PDE1C: variants seen among roughly 807,000 people sequenced by gnomAD.
The protein encoded by PDE1C is dual specificity calcium/calmodulin-dependent 3',5'-cyclic nucleotide phosphodiesterase 1C.
In PDE1C, 62 loss-of-function variants were observed where a neutral mutation model predicts 93.1. The ratio of observed to expected loss-of-function variants is 0.67; its 90% CI spans 0.54 to 0.82. The LOEUF is 0.82. Ranked by LOEUF, PDE1C falls within the 40% of genes least tolerant of loss-of-function variation. The probability of loss-of-function intolerance (pLI) is 0.00; values close to 1 mark genes in which losing one functional copy is unlikely to be tolerated. For missense variants in PDE1C, 742 were observed against 884.6 expected, an observed-to-expected ratio of 0.84 and a Z score of 2.04; for synonymous variants, 325 against 310.1, an observed-to-expected ratio of 1.05 and a Z score of -0.50.
intron 15 of PDE1C, among the ~76,000 whole-genome samples, chr7:31,809,613 T>TA (rs1787309597): frequency 6.6e-6 from 1 of 152,108 alleles, no homozygotes; most frequent in Non-Finnish European, 1.5e-5. Context: ...GTAAAAGTTG[T>TA]AAAATGCTAT....
the PDE1C span, among the ~76,000 whole-genome samples, chr7:31,635,898 A>G: frequency 2.0e-5 from 3 of 152,114 alleles, no homozygotes; most frequent in Non-Finnish European, 4.4e-5. Context: ...TATGTAATAA[A>G]CCTGCACATC....
intron 2 of PDE1C, among the ~76,000 whole-genome samples, chr7:32,203,425 C>T (rs1261942718): frequency 1.3e-5 from 2 of 152,048 alleles, no homozygotes; most frequent in Non-Finnish European, 2.9e-5. Flanking sequence ...TTCAACCAAC[C>T]CCAGCGATCA....
chr7:32,047,877 G>C (rs1160003184), intron 2 of PDE1C, among the ~76,000 whole-genome samples: 1 of 152,224 alleles, frequency 6.6e-6, no homozygotes, highest in Admixed American at 6.5e-5. Context: ...ATATCACTTA[G>C]TTTTCCTATA....
At chr7:31,715,245 C>CTT in the PDE1C span, among the ~76,000 whole-genome samples, 236 of 146,950 alleles carry the variant, frequency 1.6e-3, no homozygotes, top group Non-Finnish European at 2.1e-3. Context: ...GTAAAGGCCT[C>CTT]TTTTTTTTTT....
At chr7:31,945,573 TGAG>T (rs1030868338) in intron 2 of PDE1C, among the ~76,000 whole-genome samples, 1 of 152,176 alleles carries the variant, frequency 6.6e-6, no homozygotes, top group African/African-American at 2.4e-5. Flanking sequence ...ACATGGCTTC[TGAG>T]GAGAAGTCTG....
chr7:31,653,606 G>C, the PDE1C span: 1 of 152,066 alleles, frequency 6.6e-6, no homozygotes, highest in Non-Finnish European at 1.5e-5. Context: ...CAAATTGTGA[G>C]GGAGGTATTT....
At chr7:32,007,688 C>A (rs372450681) in intron 2 of PDE1C, among the ~76,000 whole-genome samples, 1 of 152,314 alleles carries the variant, frequency 6.6e-6, no homozygotes, top group East Asian at 1.9e-4. Flanking sequence ...TTCTCCATAG[C>A]ATTGAGCACA....
At chr7:32,191,011 T>C (rs539291947) in intron 2 of PDE1C, among the ~76,000 whole-genome samples, 1 of 152,222 alleles carries the variant, frequency 6.6e-6, no homozygotes, top group South Asian at 2.1e-4. Context: ...GGAGAGCAAC[T>C]AGTTAAATTT....
chr7:32,398,866 C>T (rs1341691810), intron 1 of PDE1C, among the ~76,000 whole-genome samples: 5 of 152,066 alleles, frequency 3.3e-5, no homozygotes, highest in Admixed American at 6.6e-5. Context: ...GTCAGCCTCC[C>T]AGATTAGGTA....
chr7:32,291,773 T>C (rs138095071), intron 1 of PDE1C, among the ~76,000 whole-genome samples: 68 of 152,322 alleles, frequency 4.5e-4, no homozygotes, highest in African/African-American at 1.6e-3. Context: ...GCATCTCACC[T>C]ACTCTGAGAA....
At chr7:31,998,233 A>C (rs530869328) in intron 2 of PDE1C, among the ~76,000 whole-genome samples, 5 of 151,946 alleles carry the variant, frequency 3.3e-5, no homozygotes, top group South Asian at 2.1e-4. Flanking sequence ...GTTAGCCAGG[A>C]TGGTCTCGAT....
chr7:31,759,009 A>G (rs547663859), intron 17 of PDE1C, among the ~76,000 whole-genome samples: 1 of 152,206 alleles, frequency 6.6e-6, no homozygotes. Flanking sequence ...GATTGTCAGA[A>G]CAAAACCTCT....
intron 1 of PDE1C, among the ~76,000 whole-genome samples, chr7:32,387,535 G>C (rs1353666055): frequency 6.9e-5 from 10 of 145,784 alleles, no homozygotes; most frequent in East Asian, 4.2e-4. Context: ...CGGACGGGGC[G>C]GCTGGCCGGG....
chr7:31,857,192 A>T (rs1416082395), intron 7 of PDE1C, among the ~76,000 whole-genome samples: 1 of 152,228 alleles, frequency 6.6e-6, no homozygotes, highest in Non-Finnish European at 1.5e-5. Context: ...CTACTTTGTA[A>T]TAGAATAATT....
At chr7:32,426,008 C>T (rs1351701183) in intron 1 of PDE1C, among the ~76,000 whole-genome samples, 2 of 152,030 alleles carry the variant, frequency 1.3e-5, no homozygotes, top group African/African-American at 2.4e-5. Context: ...TTCATGGTTA[C>T]ATATGTTTGT....
At chr7:31,962,466 T>C (rs76631088) in intron 2 of PDE1C, among the ~76,000 whole-genome samples, 1,881 of 152,228 alleles carry the variant, frequency 0.012, 15 homozygotes, top group Non-Finnish European at 0.021. Context: ...GAGAAGTGAG[T>C]CATTTCTGCT....
At chr7:31,914,769 G>T (rs1026410637) in intron 2 of PDE1C, among the ~76,000 whole-genome samples, 1 of 152,104 alleles carries the variant, frequency 6.6e-6, no homozygotes, top group Non-Finnish European at 1.5e-5. Flanking sequence ...ATGCTGCCTT[G>T]TACCATTTAT....
intron 2 of PDE1C, among the ~76,000 whole-genome samples, chr7:32,030,115 AC>A (rs1360567992): frequency 1.7e-4 from 25 of 150,840 alleles, no homozygotes; most frequent in Middle Eastern, 6.8e-3. Context: ...ACACACACAC[AC>A]ACACACACAA....
the PDE1C span, among the ~76,000 whole-genome samples, chr7:31,681,058 A>T: frequency 1.3e-5 from 2 of 152,206 alleles, no homozygotes; most frequent in Non-Finnish European, 2.9e-5. Flanking sequence ...AAATGCTATC[A>T]TTGAGGCCAA....
Sources: gnomAD v4.1 joint callset for allele counts (sites outside exome capture counted in the v4.1 genomes callset) on GRCh38, gnomAD v4.1.1 for gene constraint, MANE v1.5 for transcripts, NCBI Gene and HGNC (gene_info 2026-07-23, HGNC 2026-07-21) for gene names.